The following LMF1 variants were observed in gnomAD, a reference collection of about 807,000 sequenced individuals.
LMF1 encodes transmembrane protein 112.
Under a neutral mutation model 60.6 loss-of-function variants are expected in LMF1, and 68 were observed. That is an observed-to-expected ratio of 1.12 (90% CI 0.92 to 1.37). The LOEUF (loss-of-function observed/expected upper bound fraction) is 1.37. Ranked by LOEUF, LMF1 falls within the 40% of genes most tolerant of loss-of-function variation. LMF1 has a pLI of 0.00. For synonymous variants in LMF1, 418 were observed against 324.7 expected, an observed-to-expected ratio of 1.29 and a Z score of -3.09; for missense variants, 948 against 767.2, an observed-to-expected ratio of 1.24 and a Z score of -2.78.
chr16:868,858 T>A, intron 10 of LMF1, 86 bp downstream of exon 10: 1 of 758,116 alleles, frequency 1.3e-6, no homozygotes, highest in Non-Finnish European at 2.2e-6. Context: ...CGTGAGCAGG[T>A]GGGGGTGCAG....
chr16:865,557 G>T (rs1242220483), intron 10 of LMF1, among the ~76,000 whole-genome samples: 1 of 152,136 alleles, frequency 6.6e-6, no homozygotes, highest in African/African-American at 2.4e-5. Context: ...ATGTTGGCCA[G>T]GCTGGCAATG....
chr16:940,959 T>A (rs1262301718), intron 2 of LMF1, among the ~76,000 whole-genome samples: 1 of 152,236 alleles, frequency 6.6e-6, no homozygotes, highest in African/African-American at 2.4e-5. Flanking sequence ...CAATTTTTGC[T>A]TCATATATTG....
intron 1 of LMF1, 109 bp from the exon 2 acceptor site, chr16:954,775 T>G (rs2072629826): frequency 9.7e-7 from 1 of 1,025,978 alleles, no homozygotes; most frequent in African/African-American, 1.6e-5. Flanking sequence ...GGAGGCAGAG[T>G]CTGGCTGACG....
upstream of LMF1, among the ~76,000 whole-genome samples, chr16:974,816 G>A (rs115171725): frequency 9.5e-3 from 1,441 of 152,364 alleles, 24 homozygotes; most frequent in African/African-American, 0.031. Flanking sequence ...CCTGGCATGC[G>A]GTGGCAGCTG....
chr16:980,427 C>G (rs1296072904), intron 1 of LMF1: 2 of 152,398 alleles, frequency 1.3e-5, no homozygotes, highest in African/African-American at 4.8e-5. Context: ...GACTTTGCAT[C>G]TGGACTTTTC....
intron 10 of LMF1, among the ~76,000 whole-genome samples, chr16:859,322 T>A (rs1445881915): frequency 8.2e-3 from 9 of 1,092 alleles, no homozygotes; most frequent in Non-Finnish European, 0.012. Context: ...GTGTGCAGTG[T>A]TGTCACGGGA....
intron 5 of LMF1, among the ~76,000 whole-genome samples, chr16:889,343 GGGGTGTGAGGCTGCGGATGGCCAT>G (rs879279261): frequency 0.013 from 1,898 of 150,372 alleles, 25 homozygotes; most frequent in Non-Finnish European, 0.011. Flanking sequence ...CGGTGAGTGT[GGGGTGTGAGGCTGCGGATGGCCAT>G]GGGTGTGAGG....
At chr16:919,599 C>T (rs113881512) in intron 3 of LMF1, among the ~76,000 whole-genome samples, 7,926 of 152,210 alleles carry the variant, frequency 0.052, 227 homozygotes, top group Non-Finnish European at 0.066. Flanking sequence ...GCAGGGAGGG[C>T]GTCTGGACCG....
rs572560523 is a variant in LMF1, at chr16:915,370, G to A, written c.515-4291C>T. Among the ~76,000 whole-genome samples, 6 of 152,316 alleles carry A rather than the reference G, an allele frequency of 3.9e-5. No homozygotes were observed. In the South Asian group the frequency reaches 8.3e-4, roughly 21 times the overall value. The stretch of plus-strand genomic sequence containing the variant: ...CACAACGGCCGGGGTCCCTCACTCC[G>A]CAGCCAAGCTCCTAGGCACCTGCTC... On this transcript the variant is annotated intron_variant, in intron 3 of 10. Transcript: ENST00000262301.
At chr16:922,511 G>A (rs1052241124) in intron 3 of LMF1, among the ~76,000 whole-genome samples, 3 of 152,236 alleles carry the variant, frequency 2.0e-5, no homozygotes, top group Admixed American at 6.5e-5. Context: ...TAACATGGAC[G>A]TGAAGAAAGT....
chr16:960,571 A>G (rs1398982393), intron 1 of LMF1, among the ~76,000 whole-genome samples: 19 of 129,098 alleles, frequency 1.5e-4, no homozygotes, highest in Non-Finnish European at 5.2e-5. Flanking sequence ...TCACGGTGAC[A>G]GCACGGGATC....
At chr16:860,415 C>G (rs931294704) in intron 10 of LMF1, among the ~76,000 whole-genome samples, 1 of 151,532 alleles carries the variant, frequency 6.6e-6, no homozygotes, top group African/African-American at 2.4e-5. Flanking sequence ...TCTCGGCTCA[C>G]TGCAACCTCT....
At chr16:863,510 T>C (rs867390840) in intron 10 of LMF1, among the ~76,000 whole-genome samples, 1 of 152,250 alleles carries the variant, frequency 6.6e-6, no homozygotes, top group African/African-American at 2.4e-5. Context: ...GGGTTGCTGA[T>C]TTTATTGGTC....
upstream of LMF1, chr16:970,990 G>C (rs768250462): frequency 4.7e-6 from 7 of 1,478,382 alleles, no homozygotes; most frequent in East Asian, 1.9e-4. Flanking sequence ...TGTGCGGGGA[G>C]GGCGCACTCC....
chr16:887,967 G>A (rs780010566), intron 5 of LMF1, among the ~76,000 whole-genome samples: 5 of 152,200 alleles, frequency 3.3e-5, no homozygotes, highest in Non-Finnish European at 5.9e-5. Context: ...CCCCCGCCCT[G>A]GTCAGGCAGC....
At chr16:934,115 C>T (rs1226881903) in intron 3 of LMF1, 129 bp downstream of exon 3, 2 of 1,561,838 alleles carry the variant, frequency 1.3e-6, no homozygotes, top group Non-Finnish European at 1.7e-6. Flanking sequence ...TCACTGCCCT[C>T]CGTGCATACT....
intron 1 of LMF1, chr16:979,386 C>G: frequency 2.8e-6 from 1 of 353,008 alleles, no homozygotes; most frequent in East Asian, 7.5e-5. Flanking sequence ...CCCACCACCC[C>G]GCCACAGAGA....
intron 1 of LMF1, among the ~76,000 whole-genome samples, chr16:966,097 C>G (rs765793672): frequency 6.6e-6 from 1 of 152,066 alleles, no homozygotes; most frequent in African/African-American, 2.4e-5. Flanking sequence ...AGAAGGGTGT[C>G]GGCAGCCACG....
intron 2 of LMF1, among the ~76,000 whole-genome samples, chr16:943,561 T>C (rs1468326281): frequency 6.6e-6 from 1 of 151,750 alleles, no homozygotes; most frequent in Non-Finnish European, 1.5e-5. Flanking sequence ...ACACCATTTC[T>C]ATTAAAAATA....
Sources: allele counts gnomAD v4.1 joint callset (sites outside exome capture counted in the v4.1 genomes callset), GRCh38; gene constraint gnomAD v4.1.1; transcripts MANE v1.5; gene names NCBI Gene and HGNC (gene_info 2026-07-23, HGNC 2026-07-21).